Variants in SMYD3 observed in about 807,000 individuals in gnomAD.
SMYD3 encodes the protein histone-lysine N-methyltransferase SMYD3.
In SMYD3, 36 loss-of-function variants were observed where a neutral mutation model predicts 57.7. That is an observed-to-expected ratio of 0.62 (90% CI 0.48 to 0.82). The LOEUF is 0.82. SMYD3 is among the 40% of genes least tolerant of loss of function. The pLI is 0.00. For missense variants in SMYD3, 515 were observed against 538.8 expected, an observed-to-expected ratio of 0.96 and a Z score of 0.44; for synonymous variants, 211 against 195.0, an observed-to-expected ratio of 1.08 and a Z score of -0.68.
intron 5 of SMYD3, among the ~76,000 whole-genome samples, chr1:246,210,593 T>C (rs143848209): frequency 0.011 from 1,711 of 151,584 alleles, 23 homozygotes; most frequent in Middle Eastern, 0.031. Flanking sequence ...ACCTGTAATC[T>C]CAGCTACTCA....
At chr1:245,941,957 T>C (rs1437383773) in intron 5 of SMYD3, among the ~76,000 whole-genome samples, 1 of 152,158 alleles carries the variant, frequency 6.6e-6, no homozygotes, top group African/African-American at 2.4e-5. Context: ...CAGGCCTACC[T>C]TGCAAGAGCT....
chr1:246,369,900 C>A (rs1381965669), intron 1 of SMYD3, among the ~76,000 whole-genome samples: 1 of 149,824 alleles, frequency 6.7e-6, no homozygotes. Context: ...AAGTATAAAA[C>A]AAAAAAAAAA....
intron 5 of SMYD3, among the ~76,000 whole-genome samples, chr1:246,078,046 C>T (rs1016502705): frequency 2.0e-5 from 3 of 151,770 alleles, no homozygotes; most frequent in African/African-American, 4.8e-5. Flanking sequence ...AGAAGATATA[C>T]ACACAGATAC....
intron 1 of SMYD3, among the ~76,000 whole-genome samples, chr1:246,455,042 T>C (rs112770162): frequency 0.011 from 1,644 of 152,322 alleles, 36 homozygotes; most frequent in African/African-American, 0.036. Context: ...AAATATTTAC[T>C]GAGTTATGAT....
chr1:245,964,672 A>G (rs1470356513), intron 5 of SMYD3, among the ~76,000 whole-genome samples: 1 of 152,236 alleles, frequency 6.6e-6, no homozygotes, highest in Non-Finnish European at 1.5e-5. Flanking sequence ...AAATCATTTT[A>G]ACAGACTTGA....
chr1:246,433,030 C>T (rs948351488), intron 1 of SMYD3, among the ~76,000 whole-genome samples: 1 of 152,190 alleles, frequency 6.6e-6, no homozygotes, highest in Non-Finnish European at 1.5e-5. Flanking sequence ...AAGTCAAACT[C>T]TCTCTCTTTG....
At chr1:246,434,441 TAATTC>T (rs1409110428) in intron 1 of SMYD3, among the ~76,000 whole-genome samples, 2 of 152,174 alleles carry the variant, frequency 1.3e-5, no homozygotes, top group Non-Finnish European at 2.9e-5. Context: ...ATAATGAACT[TAATTC>T]AACAAGCAAA....
chr1:246,422,259 C>G (rs555936912), intron 1 of SMYD3, among the ~76,000 whole-genome samples: 1 of 152,014 alleles, frequency 6.6e-6, no homozygotes, highest in Non-Finnish European at 1.5e-5. Context: ...AAGGAAGAGG[C>G]CTTGTTAGGA....
intron 1 of SMYD3, among the ~76,000 whole-genome samples, chr1:246,373,230 C>A (rs534876048): frequency 2.6e-5 from 4 of 151,908 alleles, no homozygotes; most frequent in Non-Finnish European, 5.9e-5. Flanking sequence ...GATTATTTTA[C>A]TTCCATGATC....
At chr1:246,211,220 A>G (rs1014968367) in intron 5 of SMYD3, among the ~76,000 whole-genome samples, 1 of 152,140 alleles carries the variant, frequency 6.6e-6, no homozygotes, top group African/African-American at 2.4e-5. Context: ...ATGAAGAAAA[A>G]TTCTTTGACA....
At chr1:245,959,349 C>T (rs967608512) in intron 5 of SMYD3, among the ~76,000 whole-genome samples, 9 of 152,168 alleles carry the variant, frequency 5.9e-5, no homozygotes, top group African/African-American at 1.9e-4. Context: ...CCGACAGCTC[C>T]AGATCAAAGT....
chr1:246,045,248 T>C (rs2059942960), intron 5 of SMYD3, among the ~76,000 whole-genome samples: 1 of 152,172 alleles, frequency 6.6e-6, no homozygotes, highest in Non-Finnish European at 1.5e-5. Context: ...AAGGCTATAG[T>C]AAACAAAACA....
chr1:245,821,100 G>A (rs2049130963), intron 10 of SMYD3, among the ~76,000 whole-genome samples: 1 of 150,048 alleles, frequency 6.7e-6, no homozygotes. Flanking sequence ...TCAATCCTAA[G>A]CCAAAAGAAC....
chr1:246,146,275 T>C (rs999611127), intron 5 of SMYD3, among the ~76,000 whole-genome samples: 1 of 152,218 alleles, frequency 6.6e-6, no homozygotes, highest in Admixed American at 6.5e-5. Context: ...GCTTATGACC[T>C]TTTCTTAAAA....
intron 5 of SMYD3, among the ~76,000 whole-genome samples, chr1:246,204,766 G>C (rs180710315): frequency 4.3e-4 from 66 of 152,276 alleles, no homozygotes; most frequent in African/African-American, 1.3e-3. Flanking sequence ...TAACATTTTA[G>C]AACACAGTCA....
At chr1:246,495,305 T>C (rs4654116) in intron 1 of SMYD3, among the ~76,000 whole-genome samples, 58,861 of 138,102 alleles carry the variant, frequency 0.43, 13,514 homozygotes, top group East Asian at 0.72. Context: ...GCCGAGATCA[T>C]GCCACTGCAC....
At chr1:246,148,953 C>T (rs762005567) in intron 5 of SMYD3, among the ~76,000 whole-genome samples, 17 of 152,142 alleles carry the variant, frequency 1.1e-4, no homozygotes, top group Non-Finnish European at 2.2e-4. Context: ...GCAGGAAAAC[C>T]CTACAACTCA....
intron 10 of SMYD3, among the ~76,000 whole-genome samples, chr1:245,797,434 C>A (rs1193395854): frequency 1.0e-5 from 1 of 95,308 alleles, no homozygotes; most frequent in Non-Finnish European, 2.0e-5. Flanking sequence ...GGACAAAAAA[C>A]CAAACACCAC....
intron 5 of SMYD3, among the ~76,000 whole-genome samples, chr1:246,272,545 G>T (rs1009547486): frequency 1.3e-5 from 2 of 152,020 alleles, no homozygotes; most frequent in African/African-American, 4.8e-5. Flanking sequence ...ATCACGTGGG[G>T]TTTTTTTCCC....
Sources: gnomAD v4.1 joint callset for allele counts (sites outside exome capture counted in the v4.1 genomes callset) on GRCh38, gnomAD v4.1.1 for gene constraint, MANE v1.5 for transcripts, NCBI Gene and HGNC (gene_info 2026-07-23, HGNC 2026-07-21) for gene names.